Variants in TBL1X observed in about 807,000 individuals in gnomAD.
The protein encoded by TBL1X is F-box-like/WD repeat-containing protein TBL1X.
In TBL1X, 10 loss-of-function variants were observed where a neutral mutation model predicts 50.7. The observed-to-expected ratio is 0.20, with a 90% confidence interval of 0.12 to 0.33. The LOEUF is 0.33. Among genes scored for constraint, TBL1X ranks in the 10% least tolerant of loss-of-function variants. TBL1X has a pLI of 1.00. For synonymous variants in TBL1X, 190 were observed against 214.7 expected (o/e 0.88, Z 1.01); for missense variants, 340 against 504.4 (o/e 0.67, Z 3.12).
intron 2 of TBL1X, among the ~76,000 whole-genome samples, chrX:9,607,201 G>A (rs764942037): frequency 3.6e-4 from 41 of 112,514 alleles, no homozygotes; most frequent in Admixed American, 3.6e-3. Flanking sequence ...AAGGGCAAAC[G>A]ATTTTCTCAA....
intron 12 of TBL1X, among the ~76,000 whole-genome samples, chrX:9,699,172 G>T (rs1008536073): frequency 2.7e-5 from 3 of 111,097 alleles, no homozygotes; most frequent in Non-Finnish European, 5.7e-5. Flanking sequence ...GTAGAAACGG[G>T]GTTTCGCCAT....
At chrX:9,517,781 G>A (rs1233257360) in intron 2 of TBL1X, among the ~76,000 whole-genome samples, 1 of 112,242 alleles carries the variant, frequency 8.9e-6, no homozygotes, top group Non-Finnish European at 1.9e-5. Context: ...GTGGGTAGAA[G>A]CCACGAGCTG....
At chrX:9,490,015 C>T (rs2081932508) in intron 1 of TBL1X, among the ~76,000 whole-genome samples, 1 of 111,567 alleles carries the variant, frequency 9.0e-6, no homozygotes, top group Admixed American at 9.5e-5. Context: ...CACCCAAACT[C>T]GAGTGCAATG....
intron 16 of TBL1X, among the ~76,000 whole-genome samples, chrX:9,713,155 A>G (rs1014557281): frequency 9.0e-6 from 1 of 111,148 alleles, no homozygotes; most frequent in Non-Finnish European, 1.9e-5. Flanking sequence ...CAGGGAAGGA[A>G]GGGAAATGGT....
chrX:9,542,195 AATT>A (rs1343647888), intron 2 of TBL1X, among the ~76,000 whole-genome samples: 1 of 111,301 alleles, frequency 9.0e-6, no homozygotes, highest in African/African-American at 3.3e-5. Flanking sequence ...AAGTGATAAA[AATT>A]CTACGGAAGA....
At chrX:9,621,006 G>A (rs1246865283) in intron 2 of TBL1X, among the ~76,000 whole-genome samples, 3 of 112,126 alleles carry the variant, frequency 2.7e-5, no homozygotes, top group Non-Finnish European at 5.6e-5. Context: ...TGAAGGTGTG[G>A]CATGTGAGCA....
chrX:9,651,141 C>T (rs1346634555), intron 3 of TBL1X, among the ~76,000 whole-genome samples: 3 of 106,630 alleles, frequency 2.8e-5, no homozygotes, highest in Non-Finnish European at 5.8e-5. Context: ...GATTCTCCCA[C>T]CTCAGTCTCC....
chrX:9,517,391 C>T (rs2082085824), intron 2 of TBL1X, among the ~76,000 whole-genome samples: 2 of 111,330 alleles, frequency 1.8e-5, no homozygotes, highest in Non-Finnish European at 3.8e-5. Flanking sequence ...GGAGCATAAC[C>T]CAGCCCCAAG....
At chrX:9,562,939 A>C (rs1444854376) in intron 2 of TBL1X, among the ~76,000 whole-genome samples, 1 of 112,173 alleles carries the variant, frequency 8.9e-6, no homozygotes, top group Admixed American at 9.4e-5. Flanking sequence ...GAACTTTTGC[A>C]CTTTGGTTTT....
intron 2 of TBL1X, among the ~76,000 whole-genome samples, chrX:9,630,514 T>C (rs1401668779): frequency 8.9e-6 from 1 of 112,849 alleles, no homozygotes; most frequent in African/African-American, 3.2e-5. Flanking sequence ...CGTAGATTAC[T>C]TGGAATACCT....
At chrX:9,583,385 T>C (rs1221759492) in intron 2 of TBL1X, among the ~76,000 whole-genome samples, 2 of 112,429 alleles carry the variant, frequency 1.8e-5, no homozygotes, top group East Asian at 2.8e-4. Context: ...TCTTTTACTA[T>C]ATAAGGTCAT....
In TBL1X at chrX:9,702,674, G is replaced by A. The variant is rs531687255; in HGVS notation, c.1115-2319G>A. On this transcript the variant is annotated intron_variant, in intron 12 of 17. Coordinates refer to ENST00000645353, the MANE Select transcript of TBL1X (RefSeq NM_005647.4). ...TTGGTCGATTGGTAAGGACATGGTGGCCAGAGCCTGGCAGAAGCTAACCCT... is the reference window on the plus strand; with the variant it reads ...TTGGTCGATTGGTAAGGACATGGTGACCAGAGCCTGGCAGAAGCTAACCCT... 1.2e-4 allele frequency among the ~76,000 whole-genome samples: 13 copies of A among 110,877 alleles called. No homozygotes were observed. The South Asian group carries it at 4.9e-3, about 42-fold the overall frequency.
At chrX:9,544,989 T>C (rs1017007407) in intron 2 of TBL1X, among the ~76,000 whole-genome samples, 2 of 107,854 alleles carry the variant, frequency 1.9e-5, no homozygotes, top group Non-Finnish European at 3.8e-5. Context: ...TATGTAGTTA[T>C]TTTCCCCCCA....
intron 1 of TBL1X, among the ~76,000 whole-genome samples, chrX:9,480,611 G>A (rs1373000032): frequency 9.0e-6 from 1 of 111,605 alleles, no homozygotes. Context: ...CTATCAGTGA[G>A]TGAAGATTTT....
chrX:9,568,598 CTGTGTG>C (rs200110245), intron 2 of TBL1X, among the ~76,000 whole-genome samples: 56 of 99,647 alleles, frequency 5.6e-4, no homozygotes, highest in African/African-American at 1.9e-3. Flanking sequence ...GTGCAGTGTG[CTGTGTG>C]TGTGTGTGTG....
intron 13 of TBL1X, among the ~76,000 whole-genome samples, chrX:9,708,547 C>T (rs1339494205): frequency 1.8e-5 from 2 of 111,213 alleles, no homozygotes; most frequent in Admixed American, 9.5e-5. Flanking sequence ...GAGAGAAATA[C>T]CTTCTAATGG....
chrX:9,537,942 A>C (rs765048273), intron 2 of TBL1X, among the ~76,000 whole-genome samples: 1 of 111,736 alleles, frequency 8.9e-6, no homozygotes, highest in Non-Finnish European at 1.9e-5. Context: ...TGAGAGCCAG[A>C]TCTGGGTTGT....
chrX:9,546,803 A>AT (rs774181046), intron 2 of TBL1X, among the ~76,000 whole-genome samples: 2,126 of 44,924 alleles, frequency 0.047, 300 homozygotes, highest in Non-Finnish European at 0.061. Flanking sequence ...TTTATTCTTA[A>AT]TTTTTTTTTT....
At chrX:9,654,910 G>A (rs1017649027) in intron 5 of TBL1X, among the ~76,000 whole-genome samples, 8 of 111,282 alleles carry the variant, frequency 7.2e-5, no homozygotes, top group East Asian at 2.8e-4. Flanking sequence ...AAGAAGCCAC[G>A]GAGCCCAGGG....
Sources: allele counts gnomAD v4.1 joint callset (sites outside exome capture counted in the v4.1 genomes callset), GRCh38; gene constraint gnomAD v4.1.1; transcripts MANE v1.5; gene names NCBI Gene and HGNC (gene_info 2026-07-23, HGNC 2026-07-21).